The following FAM186B variants were observed in gnomAD, a reference collection of about 807,000 sequenced individuals.
The protein encoded by FAM186B is protein FAM186B.
Under a neutral mutation model 83.4 loss-of-function variants are expected in FAM186B, and 68 were observed. The observed-to-expected ratio is 0.81, with a 90% confidence interval of 0.67 to 1.00. FAM186B has a LOEUF of 1.00. Ranked by LOEUF, FAM186B falls within the 50% of genes least tolerant of loss-of-function variation. FAM186B has a pLI of 0.00. For missense variants in FAM186B, 983 were observed against 1,099.2 expected, an observed-to-expected ratio of 0.89 and a Z score of 1.49; for synonymous variants, 389 against 422.0, an observed-to-expected ratio of 0.92 and a Z score of 0.96.
At chr12:49,603,059 C>T in intron 3 of FAM186B, 126 bp downstream of exon 3, 1 of 1,002,070 alleles carries the variant, frequency 1.0e-6, no homozygotes, top group Non-Finnish European at 1.5e-6. Context: ...ACTGCCCATC[C>T]ATCTCAAATC....
At chr12:49,607,858 C>T (rs1033301424), upstream of FAM186B, among the ~76,000 whole-genome samples, 3 of 152,034 alleles carry the variant, frequency 2.0e-5, no homozygotes, top group South Asian at 4.2e-4. Context: ...TGCCACCACG[C>T]GCAGCTAATT....
At chr12:49,602,786 A>C (rs1592555703) in intron 3 of FAM186B, among the ~76,000 whole-genome samples, 1 of 152,164 alleles carries the variant, frequency 6.6e-6, no homozygotes, top group Admixed American at 6.5e-5. Context: ...CTGATGGACC[A>C]CCTCTGCAGC....
At chr12:49,605,692 G>T (rs1296880321), upstream of FAM186B, 26 of 467,260 alleles carry the variant, frequency 5.6e-5, 1 homozygote, top group Non-Finnish European at 8.7e-5. Flanking sequence ...ATTAGGAGAT[G>T]AGACTCCCCA....
In FAM186B at chr12:49,603,287, C is replaced by T; in HGVS notation, c.403G>A (p.Glu135Lys). The T allele has an allele frequency of 6.2e-7, 1 of 1,614,202 alleles. No homozygotes were observed. The highest frequency in any genetic ancestry group is 8.5e-7 in the Non-Finnish European group (1 of 1,180,046). Residue 135 changes from glutamate (E) to lysine (K), a missense_variant, in exon 3 of 7, where the codon GAG (glutamate) becomes AAG (lysine). Coordinates refer to ENST00000257894, the MANE Select transcript of FAM186B (RefSeq NM_032130.3). ...ATGAGGGACAGCGGTAACACTTTCT[C>T]CGTCACTTCAATCCATTCGTCCAGA... Reference protein sequence around the residue: ...AALDEWIEVTEKVLPLSLIAT... With the variant: ...AALDEWIEVTKKVLPLSLIAT...
chr12:49,612,512 C>T, the FAM186B span, among the ~76,000 whole-genome samples: 3 of 150,928 alleles, frequency 2.0e-5, no homozygotes, highest in African/African-American at 7.3e-5. Context: ...TGCCTTAAAA[C>T]ATTATGAGGT....
intron 5 of FAM186B, among the ~76,000 whole-genome samples, chr12:49,591,531 AAGCAGTGTG>A (rs1232430165): frequency 6.6e-6 from 1 of 152,204 alleles, no homozygotes; most frequent in Admixed American, 6.5e-5. Context: ...ACCAGCAGAT[AAGCAGTGTG>A]AGAAATGTTA....
intron 5 of FAM186B, among the ~76,000 whole-genome samples, chr12:49,593,503 A>G (rs1471844897): frequency 6.6e-6 from 1 of 151,884 alleles, no homozygotes; most frequent in East Asian, 1.9e-4. Context: ...GTGTGGTGGC[A>G]GGCATTTGTA....
chr12:49,599,082 A>G (rs985999095), intron 4 of FAM186B, 135 bp from the exon 5 acceptor site: 3 of 901,800 alleles, frequency 3.3e-6, no homozygotes, highest in Non-Finnish European at 4.9e-6. Flanking sequence ...GAGCTGGGGA[A>G]AATGGGGCAG....
At chr12:49,620,502 T>C in the FAM186B span, among the ~76,000 whole-genome samples, 254 of 151,250 alleles carry the variant, frequency 1.7e-3, no homozygotes, top group South Asian at 4.0e-3. Flanking sequence ...ACCCCATCTC[T>C]ACTAAAAATA....
At chr12:49,621,418 G>C in the FAM186B span, among the ~76,000 whole-genome samples, 1 of 152,132 alleles carries the variant, frequency 6.6e-6, no homozygotes, top group Non-Finnish European at 1.5e-5. Flanking sequence ...AACATGCCCA[G>C]GAGAATGAGA....
downstream of FAM186B, among the ~76,000 whole-genome samples, chr12:49,586,497 C>G (rs1939445979): frequency 6.6e-6 from 1 of 152,208 alleles, no homozygotes; most frequent in East Asian, 1.9e-4. Flanking sequence ...GGGGCTTGCC[C>G]GAGACTCAGA....
At chr12:49,611,547 G>A in the FAM186B span, among the ~76,000 whole-genome samples, 1 of 145,844 alleles carries the variant, frequency 6.9e-6, no homozygotes, top group Non-Finnish European at 1.5e-5. Context: ...GAGCAAGACT[G>A]TGTCTCAAAA....
At position 49,604,373 on chromosome 12, in the gene FAM186B, T is replaced by C. The variant is rs1169252209; in HGVS notation, c.262A>G (p.Lys88Glu). ...ILLEKIASFS[K>E]DAMMKEKHLY... ...TGCTTCTCCTTCATCATAGCATCTTTGGAGAAGGAGGCAATTTTTTCCAGC... is the reference window on the plus strand; with the variant it reads ...TGCTTCTCCTTCATCATAGCATCTTCGGAGAAGGAGGCAATTTTTTCCAGC... Residue 88 changes from lysine (K) to glutamate (E), a missense_variant, in exon 2 of 7, where the codon AAA becomes GAA. By Grantham distance (56) the Lys-to-Glu change is moderately conservative. Transcript: ENST00000257894. 1 of 1,614,248 alleles carries C rather than the reference T, an allele frequency of 6.2e-7. No homozygotes were observed. Among genetic ancestry groups the C allele is most frequent in the East Asian group, 2.2e-5 (1 of 44,888 alleles).
chr12:49,586,230 C>T (rs1939439843), downstream of FAM186B, among the ~76,000 whole-genome samples: 1 of 152,086 alleles, frequency 6.6e-6, no homozygotes, highest in South Asian at 2.1e-4. Context: ...AACTGGGATC[C>T]CAGTGGAGGC....
chr12:49,619,159 G>T, the FAM186B span, among the ~76,000 whole-genome samples: 1 of 152,146 alleles, frequency 6.6e-6, no homozygotes, highest in African/African-American at 2.4e-5. Context: ...CAGCAAAAAC[G>T]CAAAGTTCCA....
chr12:49,590,661 C>T (rs890127794), intron 5 of FAM186B, among the ~76,000 whole-genome samples: 1 of 152,044 alleles, frequency 6.6e-6, no homozygotes, highest in African/African-American at 2.4e-5. Flanking sequence ...AGGAAAAACA[C>T]GAGGTCTCAG....
Position 49,600,591 on chromosome 12 carries a change from T to C in FAM186B, c.1049A>G (p.Lys350Arg). 6.2e-7 allele frequency: 1 copy of C among 1,612,610 alleles called. No individual in the cohort carries two copies. Among genetic ancestry groups the C allele is most frequent in the South Asian group, 1.1e-5 (1 of 90,850 alleles). ...TTGGCTTTCCTCCATGACTGTTTCT[T>C]TCCTTGGGAGGGTCTCTCTCTCAGA... is the stretch of plus-strand genomic sequence containing the variant. ...GPSERETLPRKETVMEESQQE... is the reference protein window; with the variant it reads ...GPSERETLPRRETVMEESQQE... Residue 350 changes from lysine (K) to arginine (R), a missense_variant, in exon 4 of 7, where the codon AAA (lysine) becomes AGA (arginine). Physicochemically the swap from Lys to Arg is conservative, Grantham distance 26 (BLOSUM62 2). Transcript: ENST00000257894. The surrounding 1 kb of genome is among the most constrained non-coding windows in gnomAD (Gnocchi z 4.3).
At chr12:49,604,282 A>T (rs1244695670) in intron 2 of FAM186B, 31 bp downstream of exon 2, 1 of 1,573,658 alleles carries the variant, frequency 6.4e-7, no homozygotes, top group Admixed American at 1.7e-5. Context: ...CCCCTCCCAG[A>T]GGAGGCACGG....
In FAM186B at chr12:49,605,425, AT is replaced by A; in HGVS notation, c.52del (p.Ile18SerfsTer3). On this transcript the variant is annotated frameshift_variant, in exon 1 of 7. Coordinates refer to ENST00000257894, the MANE Select transcript of FAM186B (RefSeq NM_032130.3). LOFTEE classifies it high-confidence loss of function. ...QLVTPTSVKA[I>X]ILRIEAAQLT... ...CTGGGCAGCCTCAATCCTCAGGATG[AT>A]GGCTTTCACTGATGTGGGAGTCACC... 1.9e-6 allele frequency: 3 copies of A among 1,613,856 alleles called. No homozygotes were observed. The highest frequency in any genetic ancestry group is 2.5e-6 in the Non-Finnish European group (3 of 1,179,926).
Sources: gnomAD v4.1 joint callset for allele counts (sites outside exome capture counted in the v4.1 genomes callset) on GRCh38, gnomAD v4.1.1 for gene constraint, Gnocchi (gnomAD v3.1) non-coding constraint, MANE v1.5 for transcripts, NCBI Gene and HGNC (gene_info 2026-07-23, HGNC 2026-07-21) for gene names.